SCRG1: variants seen among roughly 807,000 people sequenced by gnomAD.
SCRG1 encodes stimulator of chondrogenesis 1.
A neutral mutation model predicts 7.7 loss-of-function variants in SCRG1; 3 were observed. The observed-to-expected ratio is 0.39, with a 90% CI of 0.18 to 1.01. SCRG1 has a LOEUF of 1.01. Among genes scored for constraint, SCRG1 ranks in the 50% least tolerant of loss-of-function variants. The pLI, the probability that SCRG1 is intolerant of heterozygous loss-of-function variation, is 0.36. For synonymous variants in SCRG1, 46 were observed against 41.2 expected (o/e 1.12, Z -0.44); for missense variants, 110 against 117.2 (o/e 0.94, Z 0.28).
chr4:173,495,373 C>G, the SCRG1 span, among the ~76,000 whole-genome samples: 2 of 152,160 alleles, frequency 1.3e-5, no homozygotes, highest in Admixed American at 6.5e-5. Context: ...AAAGTAATTA[C>G]CTATTTCGGC....
the SCRG1 span, among the ~76,000 whole-genome samples, chr4:173,485,054 AT>A: frequency 6.1e-3 from 153 of 24,956 alleles, 8 homozygotes; most frequent in South Asian, 0.01. Flanking sequence ...TATATAATAT[AT>A]TATATATTAT....
chr4:173,496,455 C>A, the SCRG1 span, among the ~76,000 whole-genome samples: 2 of 152,228 alleles, frequency 1.3e-5, no homozygotes, highest in Non-Finnish European at 1.5e-5. Flanking sequence ...TATTGGTATG[C>A]AACAGAGACT....
chr4:173,394,256 T>C (rs1044792007), intron 1 of SCRG1, among the ~76,000 whole-genome samples: 2 of 152,114 alleles, frequency 1.3e-5, no homozygotes, highest in Non-Finnish European at 2.9e-5. Flanking sequence ...TTCTTCTTCT[T>C]CTTCTTTTTT....
the SCRG1 span, among the ~76,000 whole-genome samples, chr4:173,497,022 C>T: frequency 1.3e-5 from 2 of 152,060 alleles, no homozygotes; most frequent in Admixed American, 6.6e-5. Context: ...AGGAGAATGG[C>T]GTGAACCTGG....
intron 1 of SCRG1, among the ~76,000 whole-genome samples, chr4:173,397,546 A>G (rs1300582063): frequency 6.6e-6 from 1 of 152,182 alleles, no homozygotes; most frequent in Non-Finnish European, 1.5e-5. Context: ...GTTTTAATAG[A>G]TCATTGCAGA....
chr4:173,499,997 G>A, the SCRG1 span, among the ~76,000 whole-genome samples: 1 of 152,174 alleles, frequency 6.6e-6, no homozygotes. This position sits in a 1 kb window ranked among gnomAD's most constrained non-coding sequence, Gnocchi z 4.1. Flanking sequence ...ACAATGAGAC[G>A]TAACGGGTGG....
At chr4:173,396,596 C>T (rs1249452088) in intron 1 of SCRG1, among the ~76,000 whole-genome samples, 1 of 152,070 alleles carries the variant, frequency 6.6e-6, no homozygotes, top group African/African-American at 2.4e-5. Context: ...AAGTAAATTG[C>T]CATACCACAT....
chr4:173,515,123 G>A, the SCRG1 span, among the ~76,000 whole-genome samples: 1 of 152,196 alleles, frequency 6.6e-6, no homozygotes, highest in African/African-American at 2.4e-5. The surrounding 1 kb of genome is among the most constrained non-coding windows in gnomAD (Gnocchi z 4.6). Context: ...TGGGGGAAAC[G>A]GTGGGGCAGG....
At chr4:173,515,539 A>ATAAATGC in the SCRG1 span, among the ~76,000 whole-genome samples, 1 of 152,108 alleles carries the variant, frequency 6.6e-6, no homozygotes, top group Non-Finnish European at 1.5e-5. The surrounding 1 kb of genome is among the most constrained non-coding windows in gnomAD (Gnocchi z 4.6). Flanking sequence ...TCATTAGGTC[A>ATAAATGC]TAAATGCACC....
At chr4:173,397,080 T>C (rs929311137) in intron 1 of SCRG1, among the ~76,000 whole-genome samples, 1 of 151,970 alleles carries the variant, frequency 6.6e-6, no homozygotes, top group Admixed American at 6.6e-5. Flanking sequence ...TAAAACAAAA[T>C]AAAATAAAAT....
the SCRG1 span, among the ~76,000 whole-genome samples, chr4:173,422,906 A>G: frequency 6.6e-6 from 1 of 152,218 alleles, no homozygotes; most frequent in Non-Finnish European, 1.5e-5. Flanking sequence ...AAAATTGTCT[A>G]TCAGAGATGA....
chr4:173,503,647 T>C, the SCRG1 span, among the ~76,000 whole-genome samples: 6 of 152,084 alleles, frequency 3.9e-5, no homozygotes, highest in South Asian at 6.2e-4. The surrounding 1 kb of genome is among the most constrained non-coding windows in gnomAD (Gnocchi z 6.4). Context: ...TATCCTTGTT[T>C]TGCAAAGGTA....
chr4:173,485,059 AT>A, the SCRG1 span, among the ~76,000 whole-genome samples: 1 of 8,716 alleles, frequency 1.1e-4, no homozygotes, highest in African/African-American at 2.8e-4. Context: ...AATATATTAT[AT>A]ATTATATATT....
chr4:173,502,798 T>G, the SCRG1 span, among the ~76,000 whole-genome samples: 3 of 152,130 alleles, frequency 2.0e-5, no homozygotes, highest in African/African-American at 7.2e-5. The surrounding 1 kb of genome is among the most constrained non-coding windows in gnomAD (Gnocchi z 4.6). Context: ...ACAAAACAGT[T>G]TTTAAAGAAA....
the SCRG1 span, among the ~76,000 whole-genome samples, chr4:173,416,187 T>C: frequency 6.6e-6 from 1 of 152,256 alleles, no homozygotes; most frequent in Non-Finnish European, 1.5e-5. Flanking sequence ...TGTCATCTCT[T>C]ACGATGACTT....
the SCRG1 span, among the ~76,000 whole-genome samples, chr4:173,428,123 T>C: frequency 2.0e-5 from 3 of 152,200 alleles, no homozygotes; most frequent in Non-Finnish European, 2.9e-5. Context: ...AGATGGTGAA[T>C]ACATGTGATA....
the SCRG1 span, among the ~76,000 whole-genome samples, chr4:173,444,619 A>T: frequency 6.6e-6 from 1 of 152,174 alleles, no homozygotes; most frequent in South Asian, 2.1e-4. Context: ...TATTTCCCTC[A>T]ACAGTGACTT....
the SCRG1 span, among the ~76,000 whole-genome samples, chr4:173,425,968 T>A: frequency 5.3e-5 from 8 of 152,338 alleles, no homozygotes; most frequent in Admixed American, 5.2e-4. Context: ...GCCACTTCTG[T>A]GCCATCATGC....
chr4:173,500,472 T>TTGTGTGTG, the SCRG1 span, among the ~76,000 whole-genome samples: 98 of 150,116 alleles, frequency 6.5e-4, no homozygotes, highest in East Asian at 1.4e-3. Context: ...TTAGTAAATT[T>TTGTGTGTG]TGTGTGTGTG....
Sources: allele counts gnomAD v4.1 joint callset (sites outside exome capture counted in the v4.1 genomes callset), GRCh38; gene constraint gnomAD v4.1.1; non-coding constraint Gnocchi (gnomAD v3.1); transcripts MANE v1.5; gene names NCBI Gene and HGNC (gene_info 2026-07-23, HGNC 2026-07-21).